DIAPH2: variants seen among roughly 807,000 people sequenced by gnomAD.
The protein encoded by DIAPH2 is diaphanous related formin 2, also known as protein diaphanous homolog 2.
DIAPH2 carries 35 observed loss-of-function variants against 92.7 expected under a neutral mutation model. That is an observed-to-expected ratio of 0.38 (90% CI 0.29 to 0.50). DIAPH2 has a LOEUF of 0.50. Among genes scored for constraint, DIAPH2 ranks in the 20% least tolerant of loss-of-function variants. The pLI is 0.94. For missense variants in DIAPH2, 701 were observed against 819.5 expected (o/e 0.86, Z 1.77); for synonymous variants, 301 against 280.4 (o/e 1.07, Z -0.73).
At chrX:97,438,382 T>TTTTTTTTTTTTTTTTTC (rs1569397556) in intron 26 of DIAPH2, among the ~76,000 whole-genome samples, 1 of 92,488 alleles carries the variant, frequency 1.1e-5, no homozygotes, top group Admixed American at 1.2e-4. Flanking sequence ...TTTTTTTTTT[T>TTTTTTTTTTTTTTTTTC]TGAGACAGGG....
At chrX:96,938,137 T>C (rs890092212) in intron 11 of DIAPH2, among the ~76,000 whole-genome samples, 7 of 111,068 alleles carry the variant, frequency 6.3e-5, no homozygotes, top group Non-Finnish European at 1.3e-4. Flanking sequence ...ATACCCAAAG[T>C]ACCTTGTTTG....
chrX:96,932,015 G>T (rs756232624), intron 10 of DIAPH2, among the ~76,000 whole-genome samples: 1 of 110,708 alleles, frequency 9.0e-6, no homozygotes, highest in Non-Finnish European at 1.9e-5. Flanking sequence ...ACCAATTATA[G>T]TTAGTGTGAC....
At chrX:97,316,511 C>G in intron 23 of DIAPH2, among the ~76,000 whole-genome samples, 1 of 107,655 alleles carries the variant, frequency 9.3e-6, no homozygotes, top group Non-Finnish European at 1.9e-5. Flanking sequence ...AAAAAACTAG[C>G]CGGGCCTGGT....
At chrX:96,928,046 CT>C (rs1229927180) in intron 9 of DIAPH2, among the ~76,000 whole-genome samples, 7 of 111,040 alleles carry the variant, frequency 6.3e-5, no homozygotes, top group African/African-American at 2.3e-4. Flanking sequence ...TCCTTAAAAT[CT>C]TTTGTTGCGA....
chrX:97,589,026 T>TATATATATATATATATAG (rs1186044758), intron 26 of DIAPH2, among the ~76,000 whole-genome samples: 1 of 84,913 alleles, frequency 1.2e-5, no homozygotes, highest in Non-Finnish European at 2.3e-5. Flanking sequence ...TATATATATA[T>TATATATATATATATATAG]AAAAGAATCA....
In DIAPH2 at chrX:97,117,734, A is replaced by G. The variant is rs142512060; in HGVS notation, c.2589+2769A>G. Reference sequence around the variant, plus strand: ...GGAAGAAAAGGAAAACAGATGGATTAACCAAAATGTCAACACTAAAGGGTA... The same window carrying G: ...GGAAGAAAAGGAAAACAGATGGATTGACCAAAATGTCAACACTAAAGGGTA... On this transcript the variant is annotated intron_variant, in intron 21 of 26. Transcript: ENST00000324765. Among the ~76,000 whole-genome samples, 12 of 112,245 alleles carry G rather than the reference A, an allele frequency of 1.1e-4. No individual in the cohort carries two copies. In the East Asian group the frequency reaches 3.4e-3, roughly 31 times the overall value.
rs748493623 is a variant in DIAPH2 at position 96,751,855 on chromosome X, G to A, written c.343-6299G>A. 5.1e-4 allele frequency among the ~76,000 whole-genome samples: 49 copies of A among 95,953 alleles called. 3 individuals carry two copies. Among genetic ancestry groups the A allele is most frequent in the African/African-American group, 1.6e-3 (46 of 27,983 alleles). The allele number at this position is 95,953 out of a possible 115,157, so 83.3% of individuals were successfully genotyped here. On this transcript the variant is annotated intron_variant, in intron 3 of 26. Coordinates refer to ENST00000324765, the MANE Select transcript of DIAPH2 (RefSeq NM_006729.5). Reference sequence around the variant, plus strand: ...TTTTTAGTAGAGACAGGGTTTCACCGTTTTAGCCGGGATGGTCTCGATCTC... The same window carrying A: ...TTTTTAGTAGAGACAGGGTTTCACCATTTTAGCCGGGATGGTCTCGATCTC...
Position 97,357,492 on chromosome X carries a change from A to G in DIAPH2, c.3009+9212A>G, listed in dbSNP as rs186905125. On this transcript the variant is annotated intron_variant, in intron 24 of 26. Transcript: ENST00000324765. ...CCCCCCTCCTTCCAGTTGCCTACCA[A>G]CTTGTTCAAGTCATTTCCTCTAAGA... Among the ~76,000 whole-genome samples, 4 of 101,177 alleles carry G rather than the reference A, an allele frequency of 4.0e-5. No individual in the cohort carries two copies. The Admixed American group carries it at 4.3e-4, about 11-fold the overall frequency. 87.9% of individuals were successfully genotyped at this position (101,177 alleles called of 115,157 possible). A position where few individuals can be genotyped will look rare whatever the true frequency, so the allele number is the denominator to read the frequency against.
chrX:96,932,910 A>G (rs1282906181), intron 10 of DIAPH2, among the ~76,000 whole-genome samples: 1 of 111,438 alleles, frequency 9.0e-6, no homozygotes, highest in African/African-American at 3.3e-5. Context: ...TCCATTAACC[A>G]TACCCTATTT....
intron 23 of DIAPH2, among the ~76,000 whole-genome samples, chrX:97,335,701 A>T (rs2069051959): frequency 8.9e-6 from 1 of 112,072 alleles, no homozygotes; most frequent in Non-Finnish European, 1.9e-5. Flanking sequence ...TCTTCTCATT[A>T]GTAGGAACTA....
intron 17 of DIAPH2, among the ~76,000 whole-genome samples, chrX:97,065,990 T>A (rs1379199974): frequency 8.9e-6 from 1 of 112,383 alleles, no homozygotes; most frequent in African/African-American, 3.2e-5. Flanking sequence ...AGCTTTGCAA[T>A]GTGTTTGTAT....
intron 22 of DIAPH2, among the ~76,000 whole-genome samples, chrX:97,185,701 G>C (rs1244309512): frequency 9.6e-6 from 1 of 103,636 alleles, no homozygotes; most frequent in Non-Finnish European, 2.0e-5. Flanking sequence ...TGCATACTTT[G>C]TTAACCATTT....
intron 1 of DIAPH2, among the ~76,000 whole-genome samples, chrX:96,731,577 C>T (rs1418412329): frequency 1.8e-5 from 2 of 111,339 alleles, no homozygotes; most frequent in Non-Finnish European, 3.8e-5. Context: ...ACATCTTGCT[C>T]TTTTTGTTAA....
chrX:96,986,669 G>A (rs2147844736), intron 17 of DIAPH2, among the ~76,000 whole-genome samples: 1 of 111,535 alleles, frequency 9.0e-6, no homozygotes, highest in South Asian at 3.8e-4. Context: ...AGGCATAAAT[G>A]TGTTAATAAT....
intron 24 of DIAPH2, among the ~76,000 whole-genome samples, chrX:97,367,557 G>T (rs1224896240): frequency 9.0e-6 from 1 of 111,585 alleles, no homozygotes; most frequent in Non-Finnish European, 1.9e-5. Context: ...TCATACCCAA[G>T]ATTTAGGGTG....
chrX:97,516,363 A>G (rs1448613995), intron 26 of DIAPH2, among the ~76,000 whole-genome samples: 2 of 112,413 alleles, frequency 1.8e-5, no homozygotes, highest in East Asian at 5.6e-4. Context: ...ATATAAATGT[A>G]GAAAGCTTGC....
Position 97,549,896 on chromosome X carries a change from A to T in DIAPH2, c.3242-49357A>T, listed in dbSNP as rs1192853479. On this transcript the variant is annotated intron_variant, in intron 26 of 26. Coordinates refer to ENST00000324765, the MANE Select transcript of DIAPH2 (RefSeq NM_006729.5). The stretch of plus-strand genomic sequence containing the variant: ...TTAGAGCTATAGTACATCTCCAAGT[A>T]AGCACATAGGCATATCTACATTTTT... Among the ~76,000 whole-genome samples the T allele has an allele frequency of 4.4e-5, 5 of 112,367 alleles. No homozygotes were observed. The Admixed American group carries it at 4.7e-4, about 11-fold the overall frequency.
chrX:97,365,626 C>T (rs910547430), intron 24 of DIAPH2, among the ~76,000 whole-genome samples: 1 of 110,964 alleles, frequency 9.0e-6, no homozygotes, highest in Non-Finnish European at 1.9e-5. Flanking sequence ...TGCTGAACTC[C>T]AGGGAAAATT....
intron 25 of DIAPH2, among the ~76,000 whole-genome samples, chrX:97,422,235 C>T (rs1602579572): frequency 9.0e-6 from 1 of 110,671 alleles, no homozygotes. Flanking sequence ...CATGTATGTG[C>T]ACTAGGAGTT....
Sources: gnomAD v4.1 joint callset for allele counts (sites outside exome capture counted in the v4.1 genomes callset) on GRCh38, gnomAD v4.1.1 for gene constraint, MANE v1.5 for transcripts, NCBI Gene and HGNC (gene_info 2026-07-23, HGNC 2026-07-21) for gene names.